The following C3orf52 variants were observed in gnomAD, a reference collection of about 807,000 sequenced individuals.
The protein encoded by C3orf52 is TPA-induced transmembrane protein.
A neutral mutation model predicts 24.8 loss-of-function variants in C3orf52; 22 were observed. The observed-to-expected ratio is 0.89, with a 90% CI of 0.63 to 1.27. The LOEUF is 1.27. C3orf52 is among the 50% of genes most tolerant of loss of function. C3orf52 has a pLI of 0.00. For synonymous variants in C3orf52, 93 were observed against 100.2 expected (o/e 0.93, Z 0.43); for missense variants, 265 against 260.7 (o/e 1.02, Z -0.11).
At chr3:112,126,205 G>A (rs1206056985) in intron 4 of C3orf52, among the ~76,000 whole-genome samples, 1 of 152,196 alleles carries the variant, frequency 6.6e-6, no homozygotes, top group African/African-American at 2.4e-5. Flanking sequence ...GGAGTGAAGT[G>A]GCTAGGGTGG....
chr3:112,111,141 G>T (rs984194739), intron 4 of C3orf52, among the ~76,000 whole-genome samples: 1 of 152,178 alleles, frequency 6.6e-6, no homozygotes, highest in Admixed American at 6.5e-5. Context: ...CCAGGGAGTC[G>T]CAGGTTGCAG....
chr3:112,091,665 G>A, intron 1 of C3orf52, among the ~76,000 whole-genome samples: 1 of 152,186 alleles, frequency 6.6e-6, no homozygotes, highest in East Asian at 1.9e-4. Context: ...TACAGTCCAA[G>A]TGTGGACTGA....
Position 112,110,460 on chromosome 3 carries a change from T to C in C3orf52, c.467+847T>C, listed in dbSNP as rs538847052. 1.5e-3 allele frequency among the ~76,000 whole-genome samples: 229 copies of C among 152,300 alleles called. 1 individual carries two copies. The highest frequency in any genetic ancestry group is 1.1e-3 in the Non-Finnish European group (76 of 68,016). On this transcript the variant is annotated intron_variant, in intron 4 of 5. Coordinates refer to ENST00000264848, the MANE Select transcript of C3orf52 (RefSeq NM_024616.3). Reference sequence around the variant, plus strand: ...ATGCCATTCCCTTCCATGGAGGTAATAGCTGTCAAGAGTTGAGTGTAATTA... The same window carrying C: ...ATGCCATTCCCTTCCATGGAGGTAACAGCTGTCAAGAGTTGAGTGTAATTA...
chr3:112,107,909 A>T (rs927946266), intron 3 of C3orf52, among the ~76,000 whole-genome samples: 1 of 152,100 alleles, frequency 6.6e-6, no homozygotes, highest in African/African-American at 2.4e-5. Flanking sequence ...TTCCATTTGG[A>T]GTTGAGGGGA....
intron 2 of C3orf52, 116 bp from the exon 3 acceptor site, chr3:112,102,722 T>C: frequency 1.0e-6 from 1 of 989,250 alleles, no homozygotes; most frequent in Non-Finnish European, 1.5e-6. Flanking sequence ...GTTCAGCCTT[T>C]ACCCTTGATG....
chr3:112,133,124 C>T (rs202114131), downstream of C3orf52: 505 of 1,613,900 alleles, frequency 3.1e-4, 8 homozygotes, highest in South Asian at 5.2e-3. Flanking sequence ...TTCCCATCCT[C>T]TCAGTCCTCT....
At chr3:112,106,140 T>C (rs1447641345) in intron 3 of C3orf52, among the ~76,000 whole-genome samples, 1 of 152,188 alleles carries the variant, frequency 6.6e-6, no homozygotes, top group African/African-American at 2.4e-5. Context: ...ACTCTGTCTT[T>C]TAGGGATTTT....
chr3:112,133,524 A>G (rs2074509094), downstream of C3orf52: 1 of 186,108 alleles, frequency 5.4e-6, no homozygotes, highest in Non-Finnish European at 1.1e-5. Context: ...CAGTCAAGCC[A>G]CAGACCTGTA....
At chr3:112,119,356 CAA>C (rs35833422), downstream of C3orf52, 181,797 of 669,524 alleles carry the variant, frequency 0.27, 26,786 homozygotes, top group Non-Finnish European at 0.32. Flanking sequence ...GCCTGGGTGA[CAA>C]GAGTGAAACT....
rs1319906955 is a variant in C3orf52 at position 112,093,497 on chromosome 3, G to A, written c.268+8G>A. 3 of 1,609,066 alleles carry A rather than the reference G, an allele frequency of 1.9e-6. No homozygotes were observed. Among genetic ancestry groups the A allele is most frequent in the South Asian group, 2.2e-5 (2 of 90,090 alleles). ...GCTTATGTCTTGCTGCAGGTAAGAG[G>A]ATTTAGATGTGAATAAATAACACAT... On this transcript the variant is annotated splice_region_variant and intron_variant, in intron 2 of 5. Transcript: ENST00000264848.
chr3:112,110,258 A>T (rs779855296), intron 4 of C3orf52, among the ~76,000 whole-genome samples: 4 of 152,056 alleles, frequency 2.6e-5, no homozygotes, highest in Non-Finnish European at 5.9e-5. Flanking sequence ...TGAATTCGGG[A>T]GGGGAGGTTG....
At chr3:112,113,484 A>G (rs1482041159) in intron 5 of C3orf52, among the ~76,000 whole-genome samples, 1 of 152,162 alleles carries the variant, frequency 6.6e-6, no homozygotes, top group Non-Finnish European at 1.5e-5. Context: ...ATGATTAGCA[A>G]CCTTTATGGA....
At chr3:112,104,500 G>C (rs1438258342) in intron 3 of C3orf52, among the ~76,000 whole-genome samples, 1 of 152,070 alleles carries the variant, frequency 6.6e-6, no homozygotes, top group Non-Finnish European at 1.5e-5. Context: ...ATCAGTTTCT[G>C]GGTACCCACG....
intron 1 of C3orf52, among the ~76,000 whole-genome samples, chr3:112,092,478 C>T (rs937252633): frequency 6.6e-5 from 10 of 152,146 alleles, no homozygotes; most frequent in African/African-American, 2.4e-4. Flanking sequence ...CCCTCTGTGA[C>T]ACCCTCATAA....
intron 2 of C3orf52, among the ~76,000 whole-genome samples, chr3:112,094,164 T>A (rs2107776218): frequency 6.6e-6 from 1 of 152,308 alleles, no homozygotes; most frequent in East Asian, 1.9e-4. Flanking sequence ...CCAGCTAATT[T>A]TTGTATTTTT....
chr3:112,135,549 C>T (rs1188940891), downstream of C3orf52, among the ~76,000 whole-genome samples: 1 of 152,002 alleles, frequency 6.6e-6, no homozygotes, highest in East Asian at 1.9e-4. Context: ...GAGGGATTTC[C>T]AGGAGCACCT....
At chr3:112,098,266 T>A (rs2073942101) in intron 2 of C3orf52, among the ~76,000 whole-genome samples, 1 of 152,252 alleles carries the variant, frequency 6.6e-6, no homozygotes, top group South Asian at 2.1e-4. Flanking sequence ...TCCTGCCTTA[T>A]TGTCAGCTTT....
intron 1 of C3orf52, among the ~76,000 whole-genome samples, chr3:112,091,113 C>T (rs148299272): frequency 2.3e-4 from 35 of 152,326 alleles, no homozygotes; most frequent in African/African-American, 8.2e-4. Flanking sequence ...GGCTAGGCCT[C>T]AGAGTCAGTG....
chr3:112,119,560 G>A (rs1261163900), downstream of C3orf52: 2 of 702,596 alleles, frequency 2.8e-6, no homozygotes, highest in African/African-American at 1.7e-5. Flanking sequence ...TTCTTAGGAT[G>A]AGGTACATAT....
Sources: gnomAD v4.1 joint callset for allele counts (sites outside exome capture counted in the v4.1 genomes callset) on GRCh38, gnomAD v4.1.1 for gene constraint, MANE v1.5 for transcripts, NCBI Gene and HGNC (gene_info 2026-07-23, HGNC 2026-07-21) for gene names.